CLEC16A: variants seen among roughly 807,000 people sequenced by gnomAD.
CLEC16A encodes the protein protein CLEC16A.
In CLEC16A, 51 loss-of-function variants were observed where a neutral mutation model predicts 109.5. The ratio of observed to expected loss-of-function variants is 0.47; its 90% confidence interval spans 0.37 to 0.59. The LOEUF (loss-of-function observed/expected upper bound fraction) is 0.59, where lower values mean the gene tolerates loss of function less well. CLEC16A is among the 20% of genes least tolerant of loss of function. CLEC16A has a pLI of 0.00. For missense variants in CLEC16A, 1,339 were observed against 1,394.0 expected (o/e 0.96, Z 0.63); for synonymous variants, 673 against 564.2 (o/e 1.19, Z -2.73).
intron 17 of CLEC16A, among the ~76,000 whole-genome samples, chr16:11,048,806 T>C (rs944178428): frequency 5.9e-5 from 9 of 152,048 alleles, no homozygotes; most frequent in Middle Eastern, 6.8e-3. Flanking sequence ...GTGGAAGGGA[T>C]TCAGTTGTCA....
chr16:10,999,908 T>C (rs1444209076), intron 10 of CLEC16A, among the ~76,000 whole-genome samples: 2 of 152,196 alleles, frequency 1.3e-5, no homozygotes, highest in Non-Finnish European at 2.9e-5. Context: ...TTAATCTTGG[T>C]TTACTTCAAC....
chr16:11,106,329 C>G (rs2051217092), intron 19 of CLEC16A, among the ~76,000 whole-genome samples: 1 of 152,102 alleles, frequency 6.6e-6, no homozygotes. Context: ...GTCTCTCTCA[C>G]CCAGGCTGGA....
intron 19 of CLEC16A, among the ~76,000 whole-genome samples, chr16:11,093,572 G>C (rs1045134344): frequency 7.2e-5 from 11 of 152,312 alleles, no homozygotes; most frequent in Admixed American, 7.2e-4. Flanking sequence ...TGGCACTGAG[G>C]AGTCACCAAA....
At chr16:11,169,338 G>C (rs2068407692) in intron 23 of CLEC16A, among the ~76,000 whole-genome samples, 1 of 152,180 alleles carries the variant, frequency 6.6e-6, no homozygotes, top group Non-Finnish European at 1.5e-5. Flanking sequence ...CCAGGCTGAA[G>C]TGCAGTGTCG....
chr16:10,975,524 G>T (rs2042990932), intron 7 of CLEC16A, among the ~76,000 whole-genome samples: 1 of 152,188 alleles, frequency 6.6e-6, no homozygotes, highest in South Asian at 2.1e-4. Flanking sequence ...CTTATTAAGT[G>T]GGAGAAAAGT....
In CLEC16A at chr16:10,962,555, C is replaced by G; in HGVS notation, c.310C>G (p.Leu104Val). The part of the protein sequence containing the change: ...CVQLLQTLNI[L>V]FENISHETSL... ...TCAGCTGCTGCAGACCTTGAACATCCTCTTTGAGAACATCAGTCACGAGAC... is the reference window on the plus strand; with the variant it reads ...TCAGCTGCTGCAGACCTTGAACATCGTCTTTGAGAACATCAGTCACGAGAC... The change falls in exon 3 of 24, where the codon CTC (leucine) becomes GTC (valine). Residue 104 changes from leucine to valine, a missense_variant. This residue lies in a region of CLEC16A where 161 missense variants were observed against 267.1 expected (regional missense o/e 0.60). Coordinates refer to ENST00000409790, the MANE Select transcript of CLEC16A (RefSeq NM_015226.3). The G allele has an allele frequency of 6.2e-7, 1 of 1,613,874 alleles. No homozygotes were observed. The highest frequency in any genetic ancestry group is 8.5e-7 in the Non-Finnish European group (1 of 1,179,856).
intron 22 of CLEC16A, among the ~76,000 whole-genome samples, chr16:11,155,122 T>G (rs562032388): frequency 6.6e-6 from 1 of 151,886 alleles, no homozygotes; most frequent in Non-Finnish European, 1.5e-5. Context: ...TGAGACCCTG[T>G]CTCCAAAAAA....
intron 19 of CLEC16A, among the ~76,000 whole-genome samples, chr16:11,088,144 G>A (rs1370373836): frequency 1.3e-5 from 2 of 152,264 alleles, no homozygotes; most frequent in Admixed American, 6.5e-5. Context: ...CACACATGTG[G>A]CCTTGCCCTG....
chr16:11,000,537 T>G (rs895633063), intron 10 of CLEC16A, among the ~76,000 whole-genome samples: 1 of 152,122 alleles, frequency 6.6e-6, no homozygotes, highest in Non-Finnish European at 1.5e-5. Flanking sequence ...CAGGAGAAGA[T>G]GAGAGGGCGA....
intron 19 of CLEC16A, among the ~76,000 whole-genome samples, chr16:11,084,133 C>A (rs896442275): frequency 2.6e-5 from 4 of 151,986 alleles, no homozygotes; most frequent in African/African-American, 9.7e-5. Context: ...GAGTGTGTCC[C>A]CTTCAGCTCT....
At chr16:11,076,416 G>C (rs367635056) in intron 19 of CLEC16A, among the ~76,000 whole-genome samples, 10 of 152,200 alleles carry the variant, frequency 6.6e-5, no homozygotes, top group East Asian at 1.9e-4. Flanking sequence ...GAATTCATGG[G>C]GGGAGTGGGG....
chr16:11,008,826 TAAAAAA>T (rs35514760), intron 11 of CLEC16A, among the ~76,000 whole-genome samples: 7 of 86,272 alleles, frequency 8.1e-5, no homozygotes, highest in Non-Finnish European at 1.3e-4. Flanking sequence ...CCGTCTCTAC[TAAAAAA>T]AAAAAAAAAA....
intron 22 of CLEC16A, chr16:11,157,016 G>C: frequency 8.0e-7 from 1 of 1,254,190 alleles, no homozygotes; most frequent in Non-Finnish European, 1.0e-6. Flanking sequence ...CATTTCTAAG[G>C]GCACAATTAG....
At chr16:10,964,016 C>T (rs8046423) in intron 3 of CLEC16A, among the ~76,000 whole-genome samples, 15,521 of 152,270 alleles carry the variant, frequency 0.1, 754 homozygotes, top group East Asian at 0.12. Flanking sequence ...CAAGCCCGGG[C>T]CCTGCCCGCC....
At chr16:11,026,270 C>T (rs1342876130) in intron 13 of CLEC16A, among the ~76,000 whole-genome samples, 1 of 152,100 alleles carries the variant, frequency 6.6e-6, no homozygotes, top group African/African-American at 2.4e-5. Context: ...TTCCTTAAAC[C>T]AGTGAAGCCA....
rs2068876966 is a variant in CLEC16A at position 11,179,008 on chromosome 16, C to G, written c.*318C>G. The stretch of plus-strand genomic sequence containing the variant: ...CGGGTGGCAGGACCCACCGGCACCT[C>G]TTTCTTCCTCTGTCATATGGCTCCT... On this transcript the variant is annotated 3_prime_UTR_variant, in exon 24 of 24. Transcript: ENST00000409790. 6.3e-6 allele frequency: 2 copies of G among 317,796 alleles called. No individual in the cohort carries two copies. The allele number at this position is 317,796 out of a possible 1,614,324, so 19.7% of individuals were successfully genotyped here. A position where few individuals can be genotyped will look rare whatever the true frequency, so the allele number is the denominator to read the frequency against.
At position 10,983,010 on chromosome 16, in the gene CLEC16A, G is replaced by T. The variant is rs74163610; in HGVS notation, c.1071+19G>T. On this transcript the variant is annotated intron_variant, in intron 10 of 23. Coordinates refer to ENST00000409790, the MANE Select transcript of CLEC16A (RefSeq NM_015226.3). ...AAGTTCTGTAAGTCATTAGCTTCGG[G>T]ACTGACCTTAACAGGAAACCATTGC... The T allele has an allele frequency of 1.5e-6, 2 of 1,349,954 alleles. No individual in the cohort carries two copies. Among genetic ancestry groups the T allele is most frequent in the South Asian group, 1.2e-5 (1 of 84,816 alleles). The allele number at this position is 1,349,954 out of a possible 1,614,324, so 83.6% of individuals were successfully genotyped here. A position where few individuals can be genotyped will look rare whatever the true frequency, so the allele number is the denominator to read the frequency against.
chr16:11,101,064 A>G (rs1277003518), intron 19 of CLEC16A, among the ~76,000 whole-genome samples: 1 of 152,196 alleles, frequency 6.6e-6, no homozygotes, highest in Non-Finnish European at 1.5e-5. Context: ...GAATTAATAA[A>G]TAAAGGAACA....
chr16:10,973,888 T>TC (rs2042915586), intron 7 of CLEC16A, among the ~76,000 whole-genome samples: 1 of 41,410 alleles, frequency 2.4e-5, no homozygotes, highest in Admixed American at 1.8e-4. Context: ...GGCTGCTTGC[T>TC]TTTTTTTTTT....
Sources: allele counts gnomAD v4.1 joint callset (sites outside exome capture counted in the v4.1 genomes callset), GRCh38; gene constraint gnomAD v4.1.1; regional missense constraint gnomAD v4.1.1; transcripts MANE v1.5; gene names NCBI Gene and HGNC (gene_info 2026-07-23, HGNC 2026-07-21).